Variants in NUP210 observed in about 807,000 individuals in gnomAD.
NUP210 encodes nuclear pore membrane glycoprotein 210.
In NUP210, 151 loss-of-function variants were observed where a neutral mutation model predicts 196.0. The ratio of observed to expected loss-of-function variants is 0.77; its 90% CI spans 0.67 to 0.88. NUP210 has a LOEUF of 0.88. Among genes scored for constraint, NUP210 ranks in the 40% least tolerant of loss-of-function variants. The pLI, the probability that NUP210 is intolerant of heterozygous loss-of-function variation, is 0.00. For synonymous variants in NUP210, 1,070 were observed against 1,052.7 expected (o/e 1.02, Z -0.32); for missense variants, 2,314 against 2,493.7 (o/e 0.93, Z 1.53).
rs6442372 is a variant in NUP210, at chr3:13,340,816, G to A, written c.3229-518C>T. On this transcript the variant is annotated intron_variant, in intron 23 of 39. Transcript: ENST00000254508. The surrounding 1 kb of genome is among the most constrained non-coding windows in gnomAD (Gnocchi z 4.0). ...ATTAGCCTGGGAGGAGACCAGGGAC[G>A]TTGGTGCCACTCTTTGCAGCAGGTG... Among the ~76,000 whole-genome samples the A allele has an allele frequency of 0.035, 5,283 of 152,180 alleles. 294 individuals are homozygous for A. The highest frequency in any genetic ancestry group is 0.12 in the African/African-American group (4,978 of 41,486).
In NUP210 at chr3:13,399,853, G is replaced by T. The variant is rs1699778342; in HGVS notation, c.176C>A (p.Thr59Asn). Residue 59 changes from threonine (T) to asparagine (N), a missense_variant, in exon 2 of 40, where the codon ACC becomes AAC. Coordinates refer to ENST00000254508, the MANE Select transcript of NUP210 (RefSeq NM_024923.4). The stretch of plus-strand genomic sequence containing the variant: ...CTCGATGCTGGCCACCTCCGGCCGG[G>T]TGGACAACCTGCAGTGGAAGAAGAC... Reference protein sequence around the residue: ...ASEGCYRWLSTRPEVASIEPL... With the variant: ...ASEGCYRWLSNRPEVASIEPL... 17 of 1,607,354 alleles carry T rather than the reference G, an allele frequency of 1.1e-5. No homozygotes were observed. Among genetic ancestry groups the T allele is most frequent in the Non-Finnish European group, 1.4e-5 (16 of 1,176,584 alleles).
chr3:13,338,758 T>C (rs1369707456), intron 25 of NUP210, among the ~76,000 whole-genome samples: 2 of 152,296 alleles, frequency 1.3e-5, no homozygotes, highest in East Asian at 3.9e-4. Flanking sequence ...GCCTTTCAGA[T>C]AGGGCTCGTG....
chr3:13,400,802 G>A (rs1487801438), intron 1 of NUP210, among the ~76,000 whole-genome samples: 1 of 152,184 alleles, frequency 6.6e-6, no homozygotes, highest in Admixed American at 6.5e-5. Flanking sequence ...ACTAAGCCGT[G>A]CCTGGCGCTT....
chr3:13,354,846 C>G (rs1698114663), intron 16 of NUP210, among the ~76,000 whole-genome samples: 1 of 152,226 alleles, frequency 6.6e-6, no homozygotes, highest in Non-Finnish European at 1.5e-5. Context: ...GCTGCAGGTC[C>G]AAATCCTGGA....
chr3:13,337,841 G>C lies in NUP210; in HGVS notation c.3548C>G (p.Thr1183Ser). The change falls in exon 26 of 40, where the codon ACC becomes AGC. Residue 1183 changes from threonine to serine, a missense_variant. Coordinates refer to ENST00000254508, the MANE Select transcript of NUP210 (RefSeq NM_024923.4). ...RAPIMRMRTG[T>S]QMPIYVTGIT... ...GAGCCCAGGAGGTCCCCTCACCTGG[G>C]TGCCCGTCCTCATCCGCATGATGGG... The C allele has an allele frequency of 6.2e-7, 1 of 1,610,172 alleles. No homozygotes were observed.
At chr3:13,331,656 C>T (rs1000762202) in intron 29 of NUP210, among the ~76,000 whole-genome samples, 22 of 152,200 alleles carry the variant, frequency 1.4e-4, no homozygotes, top group African/African-American at 5.3e-4. Context: ...TGGAGCCTGG[C>T]ACTTTGTTAC....
Position 13,352,079 on chromosome 3 carries a change from C to T in NUP210, c.2733+1G>A. On this transcript the variant is annotated splice_donor_variant, in intron 19 of 39. Coordinates refer to ENST00000254508, the MANE Select transcript of NUP210 (RefSeq NM_024923.4). LOFTEE classifies it high-confidence loss of function. Reference sequence around the variant, plus strand: ...GGAAGGTGGCAGGGCAAGGACTGTACCTGGATGCCAGGGTGGTTGTAGATG... The same window carrying T: ...GGAAGGTGGCAGGGCAAGGACTGTATCTGGATGCCAGGGTGGTTGTAGATG... 1.9e-6 allele frequency: 3 copies of T among 1,613,468 alleles called. No homozygotes were observed. Among genetic ancestry groups the T allele is most frequent in the East Asian group, 2.2e-5 (1 of 44,884 alleles).
chr3:13,404,708 G>T (rs933756190), intron 1 of NUP210, among the ~76,000 whole-genome samples: 27 of 152,174 alleles, frequency 1.8e-4, no homozygotes, highest in Non-Finnish European at 3.5e-4. Flanking sequence ...CCTCCGAAGG[G>T]CTGTCTCTGC....
intron 3 of NUP210, among the ~76,000 whole-genome samples, chr3:13,394,045 A>C (rs2124940042): frequency 6.6e-6 from 1 of 152,352 alleles, no homozygotes; most frequent in South Asian, 2.1e-4. Context: ...CCACAGTAGA[A>C]AATGTCTTGT....
rs1038285109 is a variant in NUP210 at position 13,384,304 on chromosome 3, G to T, written c.817+1971C>A. Among the ~76,000 whole-genome samples, 3 of 152,242 alleles carry T rather than the reference G, an allele frequency of 2.0e-5. No homozygotes were observed. The East Asian group carries it at 5.8e-4, about 29-fold the overall frequency. On this transcript the variant is annotated intron_variant, in intron 6 of 39. Coordinates refer to ENST00000254508, the MANE Select transcript of NUP210 (RefSeq NM_024923.4). ...AGCTTTTTTCTGGGTTTCCTTTGGG[G>T]AGAAGCGGCAGAGGGAAATTCCAAT...
intron 3 of NUP210, among the ~76,000 whole-genome samples, chr3:13,394,139 T>C (rs1202497742): frequency 6.6e-6 from 1 of 152,084 alleles, no homozygotes; most frequent in Non-Finnish European, 1.5e-5. Context: ...GAGGGCTCCC[T>C]GGAGGAGGGG....
chr3:13,391,082 C>T, intron 4 of NUP210, 129 bp downstream of exon 4: 2 of 663,342 alleles, frequency 3.0e-6, no homozygotes, highest in South Asian at 1.7e-5. Flanking sequence ...CGGAATGTTA[C>T]GGGCATCCTA....
intron 2 of NUP210, among the ~76,000 whole-genome samples, chr3:13,397,708 C>T (rs1189861643): frequency 6.6e-6 from 1 of 152,200 alleles, no homozygotes; most frequent in Non-Finnish European, 1.5e-5. Context: ...TCTGGCTTTT[C>T]CAGCAGGGCA....
chr3:13,320,044 T>C (rs1696456758), intron 36 of NUP210, 65 bp from the exon 37 acceptor site: 5 of 1,459,736 alleles, frequency 3.4e-6, no homozygotes, highest in Non-Finnish European at 4.7e-6. Flanking sequence ...GAGCGGGGCC[T>C]CAGGACCCCG....
chr3:13,340,176 C>T lies in NUP210; in HGVS notation c.3291+60G>A, dbSNP rs558682128. ...GCACGCAGGGCCAGAGGCGGCGTGC[C>T]TGGAACCAGGTGGTGGCCTGCACTG... On this transcript the variant is annotated intron_variant, in intron 24 of 39. Coordinates refer to ENST00000254508, the MANE Select transcript of NUP210 (RefSeq NM_024923.4). This position sits in a 1 kb window ranked among gnomAD's most constrained non-coding sequence, Gnocchi z 4.0. 2,844 of 1,609,080 alleles carry T rather than the reference C, an allele frequency of 1.8e-3. 4 individuals are homozygous for T. Among genetic ancestry groups the T allele is most frequent in the South Asian group, 2.3e-3 (205 of 90,980 alleles).
chr3:13,366,301 G>A (rs548067514), intron 13 of NUP210, among the ~76,000 whole-genome samples: 78 of 151,694 alleles, frequency 5.1e-4, no homozygotes, highest in Non-Finnish European at 8.4e-4. Context: ...GCTAATTTTT[G>A]TATTTTTTTT....
At chr3:13,332,427 T>A (rs1697034635) in intron 28 of NUP210, 43 bp from the exon 29 acceptor site, 4 of 1,467,422 alleles carry the variant, frequency 2.7e-6, no homozygotes, top group Non-Finnish European at 3.8e-6. Flanking sequence ...GGCACTGGAG[T>A]CACATTCAGG....
intron 6 of NUP210, among the ~76,000 whole-genome samples, chr3:13,384,108 G>A (rs987263949): frequency 2.3e-4 from 35 of 152,082 alleles, no homozygotes; most frequent in Non-Finnish European, 8.8e-5. Flanking sequence ...GATTACAGGC[G>A]TGCGCCACCA....
At chr3:13,399,701 T>C in intron 2 of NUP210, 24 bp downstream of exon 2, 1 of 1,612,724 alleles carries the variant, frequency 6.2e-7, no homozygotes, top group Non-Finnish European at 8.5e-7. Flanking sequence ...CCACCGGGGA[T>C]CACACACAGC....
Sources: gnomAD v4.1 joint callset for allele counts (sites outside exome capture counted in the v4.1 genomes callset) on GRCh38, gnomAD v4.1.1 for gene constraint, Gnocchi (gnomAD v3.1) non-coding constraint, MANE v1.5 for transcripts, NCBI Gene and HGNC (gene_info 2026-07-23, HGNC 2026-07-21) for gene names.